Variants in TMEM114 observed in about 807,000 individuals in gnomAD.
TMEM114 encodes the protein transmembrane protein 114.
TMEM114 carries 6 observed loss-of-function variants against 6.2 expected under a neutral mutation model. The ratio of observed to expected loss-of-function variants is 0.97; its 90% CI spans 0.53 to 1.91. The LOEUF is 1.91. TMEM114 is among the 40% of genes most tolerant of loss of function. The pLI, the probability that TMEM114 is intolerant of heterozygous loss-of-function variation, is 0.01. For missense variants in TMEM114, 218 were observed against 158.3 expected (o/e 1.38, Z -2.02); for synonymous variants, 104 against 73.0 (o/e 1.42, Z -2.16).
downstream of TMEM114, among the ~76,000 whole-genome samples, chr16:8,564,501 G>GTGAGTGAGTGAA (rs1284073109): frequency 5.6e-5 from 8 of 142,446 alleles, 1 homozygote; most frequent in African/African-American, 1.4e-4. Context: ...GAGTGAATGA[G>GTGAGTGAGTGAA]TGAGTAAATG....
At chr16:8,585,058 T>A (rs965499372) in intron 2 of TMEM114, among the ~76,000 whole-genome samples, 3 of 151,492 alleles carry the variant, frequency 2.0e-5, no homozygotes, top group African/African-American at 7.3e-5. Flanking sequence ...GGCCTCACAA[T>A]CCTGGCTGAA....
chr16:8,535,345 G>A (rs1244816349), downstream of TMEM114, among the ~76,000 whole-genome samples: 1 of 151,968 alleles, frequency 6.6e-6, no homozygotes, highest in African/African-American at 2.4e-5. Flanking sequence ...AGATAAATCA[G>A]AAAAATGTCA....
the TMEM114 span, among the ~76,000 whole-genome samples, chr16:8,529,481 G>A: frequency 6.6e-6 from 1 of 152,180 alleles, no homozygotes; most frequent in African/African-American, 2.4e-5. Context: ...GAAGTGGACA[G>A]GGAGTGTTTC....
At chr16:8,570,312 A>G (rs1901689763) in intron 3 of TMEM114, among the ~76,000 whole-genome samples, 1 of 115,612 alleles carries the variant, frequency 8.6e-6, no homozygotes. Context: ...GCAACTTTGC[A>G]TTCTTTTGTG....
chr16:8,557,152 C>T (rs916211391), intron 2 of TMEM114, among the ~76,000 whole-genome samples: 1 of 152,178 alleles, frequency 6.6e-6, no homozygotes, highest in Admixed American at 6.6e-5. Flanking sequence ...TGATACTTCT[C>T]CCAGGGAGGT....
intron 3 of TMEM114, among the ~76,000 whole-genome samples, chr16:8,571,609 T>C (rs1256899819): frequency 2.8e-5 from 4 of 140,992 alleles, no homozygotes; most frequent in Admixed American, 2.8e-4. Context: ...CCCCAGCCTG[T>C]TCCATTCTCT....
intron 2 of TMEM114, among the ~76,000 whole-genome samples, chr16:8,562,109 CGAAT>C (rs1480819567): frequency 9.1e-6 from 1 of 110,042 alleles, no homozygotes; most frequent in Non-Finnish European, 1.9e-5. Context: ...AATGAGTGAG[CGAAT>C]AAGTAAGTGA....
intron 2 of TMEM114, among the ~76,000 whole-genome samples, chr16:8,586,906 T>A (rs1567212470): frequency 6.6e-6 from 1 of 152,310 alleles, no homozygotes; most frequent in Non-Finnish European, 1.5e-5. Context: ...ACCTCCACCT[T>A]TCCTCAACTC....
chr16:8,560,402 C>G (rs1448973659), intron 2 of TMEM114, among the ~76,000 whole-genome samples: 1 of 152,066 alleles, frequency 6.6e-6, no homozygotes, highest in East Asian at 1.9e-4. Flanking sequence ...TGGCAAGGGT[C>G]AGATGAGCCT....
chr16:8,570,618 G>T (rs1361114253), intron 3 of TMEM114, among the ~76,000 whole-genome samples: 1 of 152,148 alleles, frequency 6.6e-6, no homozygotes, highest in Admixed American at 6.5e-5. Context: ...AGGCATGTTT[G>T]TGTAATTATT....
chr16:8,527,542 G>C, the TMEM114 span, among the ~76,000 whole-genome samples: 2 of 67,090 alleles, frequency 3.0e-5, no homozygotes, highest in Non-Finnish European at 3.4e-5. Context: ...TCTGTAGTAA[G>C]ATTTTTTTTA....
At chr16:8,528,417 C>G in the TMEM114 span, among the ~76,000 whole-genome samples, 1 of 152,124 alleles carries the variant, frequency 6.6e-6, no homozygotes, top group African/African-American at 2.4e-5. Context: ...CTCTGCTGCC[C>G]CTTCTGACCT....
At chr16:8,586,996 C>T (rs1902342306) in intron 2 of TMEM114, among the ~76,000 whole-genome samples, 1 of 152,120 alleles carries the variant, frequency 6.6e-6, no homozygotes, top group South Asian at 2.1e-4. Context: ...CTCATATCAA[C>T]TCACAAGAGC....
chr16:8,538,212 G>C (rs960391851), intron 2 of TMEM114, among the ~76,000 whole-genome samples: 1 of 150,944 alleles, frequency 6.6e-6, no homozygotes, highest in Admixed American at 6.6e-5. Context: ...GGCTGAAGTA[G>C]GAGGATCACT....
downstream of TMEM114, among the ~76,000 whole-genome samples, chr16:8,536,044 T>C (rs11860075): frequency 1.8e-4 from 28 of 151,830 alleles, no homozygotes; most frequent in Non-Finnish European, 3.7e-4. Context: ...TGTCCAACGT[T>C]GTGAAACCCC....
At chr16:8,562,528 ATGAG>A (rs1369021145) in intron 2 of TMEM114, among the ~76,000 whole-genome samples, 2 of 133,840 alleles carry the variant, frequency 1.5e-5, no homozygotes, top group Non-Finnish European at 3.2e-5. Context: ...GAGTGAGTTA[ATGAG>A]TGAGTGAGTG....
chr16:8,533,303 G>T (rs11077315), downstream of TMEM114, among the ~76,000 whole-genome samples: 9 of 152,180 alleles, frequency 5.9e-5, no homozygotes, highest in East Asian at 1.4e-3. Context: ...TGGATGACAT[G>T]AAGAAGCCAG....
chr16:8,559,066 T>A (rs1479110972), intron 2 of TMEM114, among the ~76,000 whole-genome samples: 1 of 151,360 alleles, frequency 6.6e-6, no homozygotes, highest in East Asian at 1.9e-4. Context: ...CTTTTTGAGA[T>A]GGAGTTTGCT....
intron 2 of TMEM114, among the ~76,000 whole-genome samples, chr16:8,551,049 T>A (rs1900828466): frequency 6.6e-6 from 1 of 152,214 alleles, no homozygotes; most frequent in Non-Finnish European, 1.5e-5. Context: ...TCTCCCGCCA[T>A]CCTGTTCGCT....
Sources: gnomAD v4.1 joint callset for allele counts (sites outside exome capture counted in the v4.1 genomes callset) on GRCh38, gnomAD v4.1.1 for gene constraint, MANE v1.5 for transcripts, NCBI Gene and HGNC (gene_info 2026-07-23, HGNC 2026-07-21) for gene names.